The following RBPJ variants were observed in gnomAD, a reference collection of about 807,000 sequenced individuals.
RBPJ encodes recombining binding protein suppressor of hairless.
RBPJ carries 9 observed loss-of-function variants against 67.8 expected under a neutral mutation model. The ratio of observed to expected loss-of-function variants is 0.13; its 90% CI spans 0.08 to 0.23. The LOEUF is 0.23. RBPJ is among the 10% of genes least tolerant of loss of function. RBPJ has a pLI of 1.00. For synonymous variants in RBPJ, 198 were observed against 203.3 expected, an observed-to-expected ratio of 0.97 and a Z score of 0.22; for missense variants, 305 against 595.6, an observed-to-expected ratio of 0.51 and a Z score of 5.08.
intron 1 of RBPJ, among the ~76,000 whole-genome samples, chr4:26,254,444 C>T (rs1255565060): frequency 6.7e-6 from 1 of 148,608 alleles, no homozygotes; most frequent in Non-Finnish European, 1.5e-5. Flanking sequence ...ATGTCCTCTT[C>T]CTAGAAGGTT....
chr4:26,132,348 C>T, the RBPJ span, among the ~76,000 whole-genome samples: 2 of 152,344 alleles, frequency 1.3e-5, no homozygotes, highest in East Asian at 1.9e-4. Context: ...CAGCATCAGA[C>T]AATTATTGTA....
At chr4:26,186,568 T>C (rs1369568561) in intron 1 of RBPJ, among the ~76,000 whole-genome samples, 1 of 152,078 alleles carries the variant, frequency 6.6e-6, no homozygotes, top group African/African-American at 2.4e-5. Flanking sequence ...GAGGTCAGGG[T>C]TGGGCAGCCT....
At chr4:26,230,236 T>C (rs1050817373) in intron 1 of RBPJ, among the ~76,000 whole-genome samples, 4 of 151,342 alleles carry the variant, frequency 2.6e-5, no homozygotes, top group Non-Finnish European at 5.9e-5. Context: ...AGCAGCACTA[T>C]GTATAATAGC....
intron 5 of RBPJ, among the ~76,000 whole-genome samples, chr4:26,423,308 A>C (rs1416923705): frequency 1.3e-5 from 2 of 152,236 alleles, no homozygotes; most frequent in Non-Finnish European, 2.9e-5. Context: ...GACCTGACTT[A>C]GGATTCCTGC....
chr4:26,292,237 C>T (rs1560247433), intron 1 of RBPJ, among the ~76,000 whole-genome samples: 1 of 148,984 alleles, frequency 6.7e-6, no homozygotes, highest in Non-Finnish European at 1.5e-5. Context: ...TACTCCTCAG[C>T]CCCTGGCAAC....
chr4:26,412,881 A>C (rs1482314831), intron 3 of RBPJ: 2 of 152,184 alleles, frequency 1.3e-5, no homozygotes, highest in Admixed American at 6.5e-5. Flanking sequence ...CTTGAACTGA[A>C]CCCACTCCAA....
chr4:26,373,697 C>T (rs1396472987), intron 1 of RBPJ, among the ~76,000 whole-genome samples: 3 of 152,224 alleles, frequency 2.0e-5, no homozygotes, highest in South Asian at 2.1e-4. Context: ...TAGTGTAAGC[C>T]GTACATTCAG....
At chr4:26,352,192 T>C (rs1726879622) in intron 1 of RBPJ, among the ~76,000 whole-genome samples, 1 of 152,190 alleles carries the variant, frequency 6.6e-6, no homozygotes, top group African/African-American at 2.4e-5. Flanking sequence ...ACTAGGTAGC[T>C]TATGAACAAT....
intron 1 of RBPJ, among the ~76,000 whole-genome samples, chr4:26,165,252 G>A (rs185723594): frequency 1.3e-5 from 2 of 152,212 alleles, no homozygotes; most frequent in East Asian, 3.9e-4. Context: ...TGATTATTTG[G>A]CTCCATTTCT....
At chr4:26,105,673 A>G in the RBPJ span, among the ~76,000 whole-genome samples, 1 of 152,236 alleles carries the variant, frequency 6.6e-6, no homozygotes, top group African/African-American at 2.4e-5. Flanking sequence ...ACTGGAGAAC[A>G]CGGAAAGATT....
At chr4:26,119,369 T>C in the RBPJ span, among the ~76,000 whole-genome samples, 3 of 152,306 alleles carry the variant, frequency 2.0e-5, no homozygotes, top group South Asian at 2.1e-4. Flanking sequence ...ATTGAGTAGA[T>C]TGGAAATCTT....
chr4:26,137,351 C>T, the RBPJ span, among the ~76,000 whole-genome samples: 1 of 152,192 alleles, frequency 6.6e-6, no homozygotes, highest in Non-Finnish European at 1.5e-5. Context: ...ATCCCACTCC[C>T]TACCCTCTGG....
At chr4:26,401,979 C>G (rs138006600) in intron 2 of RBPJ, among the ~76,000 whole-genome samples, 54 of 150,738 alleles carry the variant, frequency 3.6e-4, no homozygotes, top group African/African-American at 1.3e-3. Flanking sequence ...ACCTCTGCCT[C>G]CTGTGTTCAA....
intron 1 of RBPJ, among the ~76,000 whole-genome samples, chr4:26,186,932 C>T (rs569988963): frequency 2.0e-5 from 3 of 152,254 alleles, no homozygotes; most frequent in African/African-American, 7.2e-5. Context: ...AAAAAATACA[C>T]AAACAAGGCC....
At chr4:26,349,619 C>G (rs1410762596) in intron 1 of RBPJ, among the ~76,000 whole-genome samples, 1 of 152,144 alleles carries the variant, frequency 6.6e-6, no homozygotes, top group Non-Finnish European at 1.5e-5. Flanking sequence ...AGCTATTTGT[C>G]TTCACAGGAA....
chr4:26,108,946 TATAAAG>T, the RBPJ span, among the ~76,000 whole-genome samples: 1 of 152,012 alleles, frequency 6.6e-6, no homozygotes, highest in African/African-American at 2.4e-5. Flanking sequence ...CACTAACACT[TATAAAG>T]AGGATGGCAC....
At chr4:26,386,264 A>G (rs758667517) in intron 1 of RBPJ, 89 bp from the exon 2 acceptor site, 1 of 879,348 alleles carries the variant, frequency 1.1e-6, no homozygotes, top group East Asian at 2.6e-5. Flanking sequence ...TATAAGTCAT[A>G]AAAGAGATTT....
chr4:26,247,469 G>A (rs1219145078), intron 1 of RBPJ, among the ~76,000 whole-genome samples: 2 of 152,090 alleles, frequency 1.3e-5, no homozygotes, highest in Admixed American at 6.6e-5. Flanking sequence ...GAAGTGCAAT[G>A]TCACGATCTT....
intron 1 of RBPJ, among the ~76,000 whole-genome samples, chr4:26,266,079 A>G (rs1267575908): frequency 6.6e-6 from 1 of 151,910 alleles, no homozygotes; most frequent in Admixed American, 6.6e-5. Context: ...AAGCCTTCCA[A>G]TTTCCCTTAA....
Sources: gnomAD v4.1 joint callset for allele counts (sites outside exome capture counted in the v4.1 genomes callset) on GRCh38, gnomAD v4.1.1 for gene constraint, MANE v1.5 for transcripts, NCBI Gene and HGNC (gene_info 2026-07-23, HGNC 2026-07-21) for gene names.